LY86: variants seen among roughly 807,000 people sequenced by gnomAD.
LY86 encodes lymphocyte antigen 86.
A neutral mutation model predicts 17.3 loss-of-function variants in LY86; 20 were observed. The observed-to-expected ratio is 1.15, with a 90% confidence interval of 0.81 to 1.68. The LOEUF (loss-of-function observed/expected upper bound fraction) is 1.68. Among genes scored for constraint, LY86 ranks in the 40% most tolerant of loss-of-function variants. The pLI is 0.00. For synonymous variants in LY86, 74 were observed against 70.6 expected (o/e 1.05, Z -0.24); for missense variants, 200 against 191.9 (o/e 1.04, Z -0.25).
intron 3 of LY86, among the ~76,000 whole-genome samples, chr6:6,639,313 G>C (rs12192244): frequency 0.051 from 7,686 of 151,772 alleles, 263 homozygotes; most frequent in Non-Finnish European, 0.077. Flanking sequence ...CCTTTGTGGT[G>C]AGCACAAATA....
intron 1 of LY86, among the ~76,000 whole-genome samples, chr6:6,599,525 A>C (rs547060547): frequency 6.6e-6 from 1 of 152,216 alleles, no homozygotes; most frequent in East Asian, 1.9e-4. Flanking sequence ...ATGTCCTGTG[A>C]GGCTGACTGA....
At chr6:6,591,758 C>A (rs1404320481) in intron 1 of LY86, among the ~76,000 whole-genome samples, 4 of 152,172 alleles carry the variant, frequency 2.6e-5, no homozygotes, top group Admixed American at 1.3e-4. Flanking sequence ...CCCCAGCCTG[C>A]CTGACTCCAG....
chr6:6,604,465 A>G lies in LY86; in HGVS notation c.136+15595A>G, dbSNP rs544751176. 2.9e-3 allele frequency among the ~76,000 whole-genome samples: 442 copies of G among 152,334 alleles called. 6 individuals are homozygous for G. The highest frequency in any genetic ancestry group is 4.0e-3 in the Non-Finnish European group (274 of 68,032). ...AAATGAAAAAATAATGGTTATGTTAAAACATTGTTTTTAAAATAGCTGAAG... is the reference window on the plus strand; with the variant it reads ...AAATGAAAAAATAATGGTTATGTTAGAACATTGTTTTTAAAATAGCTGAAG... On this transcript the variant is annotated intron_variant, in intron 1 of 4. Transcript: ENST00000230568.
At chr6:6,648,786 A>T (rs572112878) in intron 3 of LY86, among the ~76,000 whole-genome samples, 1 of 151,786 alleles carries the variant, frequency 6.6e-6, no homozygotes, top group East Asian at 1.9e-4. Context: ...AAAACAAGGA[A>T]ACTGAGCCCA....
chr6:6,598,878 T>C (rs1179848833), intron 1 of LY86, among the ~76,000 whole-genome samples: 2 of 152,258 alleles, frequency 1.3e-5, no homozygotes, highest in Non-Finnish European at 2.9e-5. Context: ...AACACTTAGC[T>C]AGTTCATCAT....
intron 1 of LY86, among the ~76,000 whole-genome samples, chr6:6,607,324 T>C (rs1244674527): frequency 6.6e-6 from 1 of 152,228 alleles, no homozygotes; most frequent in African/African-American, 2.4e-5. Context: ...ATGTGTTTTT[T>C]GCCACAATAA....
intron 1 of LY86, among the ~76,000 whole-genome samples, chr6:6,604,262 C>T (rs1345737167): frequency 6.6e-6 from 1 of 151,784 alleles, no homozygotes; most frequent in African/African-American, 2.4e-5. Context: ...AAATTCTACC[C>T]AAACTGTAGA....
intron 1 of LY86, among the ~76,000 whole-genome samples, chr6:6,619,475 A>C (rs920276987): frequency 1.4e-4 from 21 of 152,238 alleles, no homozygotes; most frequent in Admixed American, 1.2e-3. Flanking sequence ...GACCAGCTTT[A>C]TTCACATTCT....
chr6:6,603,826 C>A (rs1466454042), intron 1 of LY86, among the ~76,000 whole-genome samples: 1 of 151,500 alleles, frequency 6.6e-6, no homozygotes, highest in East Asian at 1.9e-4. Context: ...GAGTTACAGT[C>A]ACAGTAAAAA....
chr6:6,613,461 A>AGAAATCGAGCACAGCAGCTG (rs1304506215), intron 1 of LY86, among the ~76,000 whole-genome samples: 12 of 152,260 alleles, frequency 7.9e-5, no homozygotes, highest in African/African-American at 2.9e-4. Context: ...AGGCCCGGTG[A>AGAAATCGAGCACAGCAGCTG]GAAATCGAGC....
At chr6:6,637,049 C>A (rs1417276654) in intron 3 of LY86, among the ~76,000 whole-genome samples, 1 of 137,962 alleles carries the variant, frequency 7.2e-6, no homozygotes, top group Non-Finnish European at 1.5e-5. Context: ...CTCGCTCTGT[C>A]GCCCAGGCTG....
rs1762230818 is a variant in LY86 at position 6,654,436 on chromosome 6, A to G, written c.406-108A>G. On this transcript the variant is annotated intron_variant, in intron 4 of 4. Coordinates refer to ENST00000230568, the MANE Select transcript of LY86 (RefSeq NM_004271.4). ...GCTTGTCTTGTTCTACGTTATCCAC[A>G]ATGTCCAGAACAGCACCCAGCACAT... 26 of 801,954 alleles carry G rather than the reference A, an allele frequency of 3.2e-5. No homozygotes were observed. In the South Asian group the frequency reaches 4.0e-4, roughly 12 times the overall value. The allele number at this position is 801,954 out of a possible 1,614,324, so 49.7% of individuals were successfully genotyped here.
chr6:6,593,702 T>C (rs1760603474), intron 1 of LY86, among the ~76,000 whole-genome samples: 2 of 151,924 alleles, frequency 1.3e-5, no homozygotes, highest in South Asian at 4.1e-4. Context: ...ATAAAATTAG[T>C]TTTTAAGATG....
chr6:6,638,459 C>T (rs79225009), intron 3 of LY86, among the ~76,000 whole-genome samples: 3,152 of 152,284 alleles, frequency 0.021, 109 homozygotes, highest in African/African-American at 0.071. Flanking sequence ...CCACAAGTCA[C>T]ATGTGGCTAT....
At chr6:6,614,021 C>T (rs1479420327) in intron 1 of LY86, among the ~76,000 whole-genome samples, 2 of 152,218 alleles carry the variant, frequency 1.3e-5, no homozygotes, top group South Asian at 2.1e-4. Context: ...TACTTACATT[C>T]CCTAAAAGAA....
At chr6:6,603,343 G>A (rs1251389541) in intron 1 of LY86, among the ~76,000 whole-genome samples, 1 of 136,326 alleles carries the variant, frequency 7.3e-6, no homozygotes, top group Non-Finnish European at 1.6e-5. Context: ...ACAGGACACT[G>A]GCAAAAGAGA....
intron 4 of LY86, among the ~76,000 whole-genome samples, chr6:6,652,642 G>T (rs964762852): frequency 6.6e-6 from 1 of 152,126 alleles, no homozygotes. Flanking sequence ...TATTGCCAAA[G>T]GTGCACCTAC....
intron 1 of LY86, among the ~76,000 whole-genome samples, chr6:6,589,086 CAA>C (rs923789187): frequency 4.6e-5 from 7 of 152,106 alleles, no homozygotes; most frequent in Admixed American, 3.9e-4. Flanking sequence ...GGCAGAACAA[CAA>C]AGAGTACAAG....
rs569745889 is a variant in LY86 at position 6,617,088 on chromosome 6, T to C, written c.137-7838T>C. 2.6e-5 allele frequency among the ~76,000 whole-genome samples: 4 copies of C among 152,354 alleles called. No individual in the cohort carries two copies. The East Asian group carries it at 5.8e-4, about 22-fold the overall frequency. On this transcript the variant is annotated intron_variant, in intron 1 of 4. Transcript: ENST00000230568. Reference sequence around the variant, plus strand: ...CATTTATCCACTTTTCTATCCCACATGGACTGACTCCAAATTAGTAACAGA... The same window carrying C: ...CATTTATCCACTTTTCTATCCCACACGGACTGACTCCAAATTAGTAACAGA...
Sources: allele counts gnomAD v4.1 joint callset (sites outside exome capture counted in the v4.1 genomes callset), GRCh38; gene constraint gnomAD v4.1.1; transcripts MANE v1.5; gene names NCBI Gene and HGNC (gene_info 2026-07-23, HGNC 2026-07-21).